NSFL1C: variants seen among roughly 807,000 people sequenced by gnomAD.
NSFL1C encodes NSFL1 cofactor p47.
NSFL1C carries 14 observed loss-of-function variants against 43.1 expected under a neutral mutation model. That is an observed-to-expected ratio of 0.32 (90% CI 0.21 to 0.51). NSFL1C has a LOEUF of 0.51. Ranked by LOEUF, NSFL1C falls within the 20% of genes least tolerant of loss-of-function variation. NSFL1C has a pLI of 0.98. For synonymous variants in NSFL1C, 171 were observed against 183.5 expected, an observed-to-expected ratio of 0.93 and a Z score of 0.55; for missense variants, 406 against 472.5, an observed-to-expected ratio of 0.86 and a Z score of 1.30.
At position 1,464,428 on chromosome 20, in the gene NSFL1C, T is replaced by C. The variant is rs1424721648; in HGVS notation, c.106-2A>G. The C allele has an allele frequency of 6.2e-7, 1 of 1,613,990 alleles. No homozygotes were observed. Among genetic ancestry groups the C allele is most frequent in the Non-Finnish European group, 8.5e-7 (1 of 1,179,798 alleles). On this transcript the variant is annotated splice_acceptor_variant, in intron 1 of 8. Coordinates refer to ENST00000216879, the MANE Select transcript of NSFL1C (RefSeq NM_016143.5). LOFTEE classifies it high-confidence loss of function. ...CTCATAAAAGCTCGCTAGCGCGATC[T>C]GAAACAGAGAGGTAGTACCTTGGGA... is the stretch of plus-strand genomic sequence containing the variant.
chr20:1,455,290 A>G, intron 3 of NSFL1C, 158 bp from the exon 4 acceptor site: 1 of 839,244 alleles, frequency 1.2e-6, no homozygotes, highest in East Asian at 2.5e-5. Flanking sequence ...GCAAGCAGGT[A>G]AAATGCAGTG....
chr20:1,457,983 A>G, intron 3 of NSFL1C: 1 of 434,164 alleles, frequency 2.3e-6, no homozygotes, highest in East Asian at 3.6e-5. Context: ...CCCTCCCCTA[A>G]TATTCCTCAA....
rs769147009 is a variant in NSFL1C at position 1,443,778 on chromosome 20, T to A, written c.1084A>T (p.Asn362Tyr). The A allele has an allele frequency of 2.0e-5, 32 of 1,614,182 alleles. No homozygotes were observed. The highest frequency in any genetic ancestry group is 2.7e-5 in the Non-Finnish European group (32 of 1,180,036). The change falls in exon 9 of 9, where the codon AAT becomes TAT. Residue 362 changes from asparagine (N) to tyrosine (Y), a missense_variant. Physicochemically the swap from Asn to Tyr is moderately radical, Grantham distance 143. This residue lies in a region of NSFL1C where 196 missense variants were observed against 228.0 expected (regional missense o/e 0.86). Transcript: ENST00000216879. ...GTTAACCGCTGCACGATGACAGCAT[T>A]GAGCAGGTTGGCTTCCTTCAGGGTC... is the stretch of plus-strand genomic sequence containing the variant. The part of the protein sequence containing the change: ...SQTLKEANLL[N>Y]AVIVQRLT
At chr20:1,462,046 G>A (rs1187779162) in intron 2 of NSFL1C, among the ~76,000 whole-genome samples, 2 of 152,152 alleles carry the variant, frequency 1.3e-5, no homozygotes, top group East Asian at 3.8e-4. Context: ...GGTATTAATA[G>A]AGACCTTCTC....
At chr20:1,466,090 C>A (rs1379871014) in intron 1 of NSFL1C, among the ~76,000 whole-genome samples, 1 of 152,208 alleles carries the variant, frequency 6.6e-6, no homozygotes. Flanking sequence ...ACTGGGAATT[C>A]ATCAGTGTAC....
intron 7 of NSFL1C, among the ~76,000 whole-genome samples, chr20:1,450,645 A>C (rs574917058): frequency 2.6e-5 from 4 of 152,314 alleles, no homozygotes; most frequent in Admixed American, 1.3e-4. Context: ...CTCCCTTGTA[A>C]CTGGTGGTGG....
chr20:1,465,795 G>C (rs535659946), intron 1 of NSFL1C, among the ~76,000 whole-genome samples: 85 of 152,302 alleles, frequency 5.6e-4, no homozygotes, highest in African/African-American at 2.0e-3. Flanking sequence ...CTGTCTGCTT[G>C]CAATCAGACA....
intron 8 of NSFL1C, 21 bp downstream of exon 8, chr20:1,445,645 A>T: frequency 6.2e-7 from 1 of 1,611,332 alleles, no homozygotes; most frequent in Non-Finnish European, 8.5e-7. Context: ...AGAATAAGCT[A>T]GGCCACACAA....
chr20:1,463,920 G>A (rs1193704195), intron 2 of NSFL1C: 1 of 170,010 alleles, frequency 5.9e-6, no homozygotes, highest in East Asian at 1.7e-4. Context: ...GGTTTATTTT[G>A]TACAAGACTT....
chr20:1,458,838 T>G (rs1275304766), intron 2 of NSFL1C, among the ~76,000 whole-genome samples: 1 of 151,940 alleles, frequency 6.6e-6, no homozygotes, highest in Non-Finnish European at 1.5e-5. Context: ...TAGGAATGAA[T>G]GAATACGAGG....
chr20:1,466,596 G>A, intron 1 of NSFL1C, 124 bp downstream of exon 1: 2 of 894,374 alleles, frequency 2.2e-6, no homozygotes, highest in South Asian at 1.6e-5. Flanking sequence ...GGACCATGAG[G>A]CCTGGGTCGG....
Position 1,452,766 on chromosome 20 carries a change from GCTAC to G in NSFL1C, c.648-140_648-137del. The stretch of plus-strand genomic sequence containing the variant: ...CCAAAGGGAGCAGGCTACTCTGGTG[GCTAC>G]CTGTCTGCCTCCACCTTTTCTCTTG... On this transcript the variant is annotated intron_variant, in intron 6 of 8. Coordinates refer to ENST00000216879, the MANE Select transcript of NSFL1C (RefSeq NM_016143.5). The G allele has an allele frequency of 3.7e-6, 4 of 1,085,804 alleles. 1 individual carries two copies. In the South Asian group the frequency reaches 6.1e-5, roughly 16 times the overall value. The allele number at this position is 1,085,804 out of a possible 1,614,324, so 67.3% of individuals were successfully genotyped here. A position where few individuals can be genotyped will look rare whatever the true frequency, so the allele number is the denominator to read the frequency against.
intron 2 of NSFL1C, 108 bp from the exon 3 acceptor site, chr20:1,458,382 C>T (rs2090345343): frequency 9.8e-6 from 8 of 819,628 alleles, no homozygotes; most frequent in Admixed American, 5.6e-5. Context: ...TTTTGGTAGG[C>T]GAGAGGAGGA....
chr20:1,456,987 G>C (rs111995941), intron 3 of NSFL1C: 2 of 152,326 alleles, frequency 1.3e-5, no homozygotes, highest in African/African-American at 4.8e-5. Flanking sequence ...ACAGAACAAA[G>C]ACTGGATGGA....
At position 1,453,037 on chromosome 20, in the gene NSFL1C, C is replaced by G; in HGVS notation, c.641G>C (p.Arg214Pro). 6.3e-7 allele frequency: 1 copy of G among 1,598,996 alleles called. No homozygotes were observed. Among genetic ancestry groups the G allele is most frequent in the South Asian group, 1.1e-5 (1 of 90,792 alleles). Residue 214 changes from arginine (R) to proline (P), a missense_variant, in exon 6 of 9, where the codon CGC (arginine) becomes CCC (proline). This residue lies in a region of NSFL1C where 196 missense variants were observed against 228.0 expected (regional missense o/e 0.86). Transcript: ENST00000216879. ...GGAGGGCTTTTTCACTCACCCTCTG[C>G]GGATAGACTCCAGAAACTGGGCATT... Reference protein sequence around the residue: ...PSNAQFLESIRRGEVPAELRR... With the variant: ...PSNAQFLESIPRGEVPAELRR...
At chr20:1,463,655 A>G (rs2090456478) in intron 2 of NSFL1C, among the ~76,000 whole-genome samples, 1 of 152,228 alleles carries the variant, frequency 6.6e-6, no homozygotes. Flanking sequence ...AGTAGAAGCA[A>G]TAAGGCGAAA....
rs112747409 is a variant in NSFL1C at position 1,447,282 on chromosome 20, A to G, written c.786-1452T>C. Among the ~76,000 whole-genome samples, 78 of 152,310 alleles carry G rather than the reference A, an allele frequency of 5.1e-4. 1 individual carries two copies. Among genetic ancestry groups the G allele is most frequent in the African/African-American group, 1.8e-3 (73 of 41,570 alleles). On this transcript the variant is annotated intron_variant, in intron 7 of 8. Coordinates refer to ENST00000216879, the MANE Select transcript of NSFL1C (RefSeq NM_016143.5). ...CACAAGAGTTGATTGGAAATAGTGA[A>G]TAGGTAAATCTCATATACCTGTAAA...
intron 2 of NSFL1C, among the ~76,000 whole-genome samples, chr20:1,462,278 A>T (rs2090425928): frequency 6.6e-6 from 1 of 152,202 alleles, no homozygotes; most frequent in Non-Finnish European, 1.5e-5. Flanking sequence ...TGCTAGCACA[A>T]GTTTGGTTTT....
At chr20:1,452,964 G>T in intron 6 of NSFL1C, 67 bp downstream of exon 6, 1 of 871,194 alleles carries the variant, frequency 1.1e-6, no homozygotes. Flanking sequence ...TAAACATTCT[G>T]CCTCCTCCTT....
Sources: gnomAD v4.1 joint callset for allele counts (sites outside exome capture counted in the v4.1 genomes callset) on GRCh38, gnomAD v4.1.1 for gene constraint, gnomAD v4.1.1 regional missense constraint, MANE v1.5 for transcripts, NCBI Gene and HGNC (gene_info 2026-07-23, HGNC 2026-07-21) for gene names.